TMIGD3: variants seen among roughly 807,000 people sequenced by gnomAD.
The protein encoded by TMIGD3 is transmembrane and immunoglobulin domain containing 3.
In TMIGD3, 21 loss-of-function variants were observed where a neutral mutation model predicts 28.1. That is an observed-to-expected ratio of 0.75 (90% CI 0.53 to 1.08). The LOEUF is 1.08. TMIGD3 is among the 50% of genes least tolerant of loss of function. The pLI is 0.00. For synonymous variants in TMIGD3, 151 were observed against 162.1 expected, an observed-to-expected ratio of 0.93 and a Z score of 0.52; for missense variants, 416 against 435.6, an observed-to-expected ratio of 0.96 and a Z score of 0.40.
intron 1 of TMIGD3, among the ~76,000 whole-genome samples, chr1:111,561,270 C>T (rs914103491): frequency 9.9e-5 from 15 of 152,180 alleles, no homozygotes; most frequent in Non-Finnish European, 1.5e-5. Flanking sequence ...AGTACAAGTG[C>T]ACACCACCAC....
At chr1:111,561,880 C>G (rs1375614300) in intron 1 of TMIGD3, among the ~76,000 whole-genome samples, 1 of 151,990 alleles carries the variant, frequency 6.6e-6, no homozygotes, top group Non-Finnish European at 1.5e-5. Context: ...CATTTTTGGC[C>G]CGGACTTTTT....
intron 1 of TMIGD3, among the ~76,000 whole-genome samples, chr1:111,551,173 GT>G (rs1313553271): frequency 2.0e-5 from 3 of 150,870 alleles, no homozygotes; most frequent in African/African-American, 7.3e-5. Context: ...GTTGGATCAT[GT>G]TTTTTTTTGA....
At chr1:111,521,444 T>C (rs920802451) in intron 1 of TMIGD3, among the ~76,000 whole-genome samples, 2 of 152,208 alleles carry the variant, frequency 1.3e-5, no homozygotes, top group Non-Finnish European at 2.9e-5. Flanking sequence ...GTGCTTGGAA[T>C]GGTCAGTTGC....
chr1:111,557,648 A>G (rs1657554778), intron 1 of TMIGD3, among the ~76,000 whole-genome samples: 1 of 152,220 alleles, frequency 6.6e-6, no homozygotes, highest in Non-Finnish European at 1.5e-5. Context: ...TCTAATGAAT[A>G]CATTCTGAGA....
chr1:111,518,180 T>C (rs1655928301), intron 1 of TMIGD3, among the ~76,000 whole-genome samples: 1 of 152,236 alleles, frequency 6.6e-6, no homozygotes, highest in South Asian at 2.1e-4. Context: ...TTAGGGACTT[T>C]TTCTGAATAT....
At chr1:111,556,183 A>T (rs1657484752) in intron 1 of TMIGD3, among the ~76,000 whole-genome samples, 1 of 152,214 alleles carries the variant, frequency 6.6e-6, no homozygotes, top group African/African-American at 2.4e-5. Flanking sequence ...AACATCACTA[A>T]TTATTAGGGA....
intron 5 of TMIGD3, among the ~76,000 whole-genome samples, chr1:111,484,287 G>T (rs1271215592): frequency 1.3e-5 from 2 of 152,118 alleles, no homozygotes; most frequent in African/African-American, 2.4e-5. Context: ...GCCCATCTTT[G>T]TATCCCCAGC....
At chr1:111,500,911 T>C in intron 1 of TMIGD3, 1 of 337,672 alleles carries the variant, frequency 3.0e-6, no homozygotes, top group Admixed American at 5.4e-5. Flanking sequence ...GTTACCTATC[T>C]TTTCTTTTTC....
intron 1 of TMIGD3, among the ~76,000 whole-genome samples, chr1:111,509,005 G>A (rs1350634975): frequency 6.6e-6 from 1 of 152,260 alleles, no homozygotes; most frequent in Non-Finnish European, 1.5e-5. Flanking sequence ...TGAGGCAGGA[G>A]AATTGCTTGA....
rs539832413 is a variant in TMIGD3 at position 111,497,293 on chromosome 1, G to C, written c.350+5712C>G. ...GCCCGGCTAATTTTTTGTATTTTTA[G>C]TAGAGACGGGGTTTCACTGTTTTAG... On this transcript the variant is annotated intron_variant, in intron 1 of 5. Coordinates refer to ENST00000369716, the MANE Select transcript of TMIGD3 (RefSeq NM_020683.7). 1.5e-3 allele frequency among the ~76,000 whole-genome samples: 230 copies of C among 152,196 alleles called. 1 individual carries two copies. The highest frequency in any genetic ancestry group is 5.4e-3 in the African/African-American group (223 of 41,504).
intron 1 of TMIGD3, among the ~76,000 whole-genome samples, chr1:111,498,327 A>G (rs1654986783): frequency 1.3e-5 from 2 of 152,208 alleles, no homozygotes; most frequent in South Asian, 4.1e-4. Context: ...CACAGCAGCA[A>G]ATTTGGATAG....
rs761130871 is a variant in TMIGD3 at position 111,483,733 on chromosome 1, G to C, written c.998C>G (p.Ser333Trp). The C allele has an allele frequency of 6.2e-7, 1 of 1,613,922 alleles. No homozygotes were observed. The highest frequency in any genetic ancestry group is 1.3e-5 in the African/African-American group (1 of 74,904). ...RRVGNTLKPF[S>W]RVLTPKEMAP... ...CATTTCCTTTGGAGTCAGGACACGC[G>C]AGAAGGGCTTCAAAGTGTTGCCTAC... The change falls in exon 6 of 6, where the codon TCG becomes TGG. Residue 333 changes from serine to tryptophan, a missense_variant. Ser to Trp is a radical substitution (Grantham distance 177). Coordinates refer to ENST00000369716, the MANE Select transcript of TMIGD3 (RefSeq NM_020683.7).
intron 1 of TMIGD3, among the ~76,000 whole-genome samples, chr1:111,493,773 A>G (rs1012881502): frequency 6.6e-6 from 1 of 152,238 alleles, no homozygotes; most frequent in Non-Finnish European, 1.5e-5. Context: ...TAGAGCCACT[A>G]TGATTTGATG....
chr1:111,508,889 G>A (rs1477333256), intron 1 of TMIGD3, among the ~76,000 whole-genome samples: 3 of 152,196 alleles, frequency 2.0e-5, no homozygotes, highest in Admixed American at 6.5e-5. Flanking sequence ...GAGGTCAGGC[G>A]TTCTAGACCA....
intron 1 of TMIGD3, among the ~76,000 whole-genome samples, chr1:111,538,071 G>A (rs1656699486): frequency 6.6e-6 from 1 of 151,906 alleles, no homozygotes. Flanking sequence ...AAAAAGAGTT[G>A]GCTCAGAAAA....
intron 1 of TMIGD3, among the ~76,000 whole-genome samples, chr1:111,495,463 A>G (rs190863239): frequency 6.6e-6 from 1 of 152,368 alleles, no homozygotes; most frequent in East Asian, 1.9e-4. Flanking sequence ...TCAAAAAATA[A>G]GAGATACCAG....
In TMIGD3 at chr1:111,488,877, G is replaced by C. The variant is rs184417691; in HGVS notation, c.605C>G (p.Ser202Cys). The change falls in exon 3 of 6, where the codon TCC (serine) becomes TGC (cysteine). Residue 202 changes from serine to cysteine, a missense_variant. Ser to Cys is a moderately radical substitution (Grantham distance 112, BLOSUM62 -1). Transcript: ENST00000369716. Reference protein sequence around the residue: ...FRDYCNIIAFSPNSTNHVALR... With the variant: ...FRDYCNIIAFCPNSTNHVALR... ...GGCCACATGATTGGTGCTGTTAGGG[G>C]AGAAGGCGATGATGTTGCAGTAGTC... 6.2e-7 allele frequency: 1 copy of C among 1,614,190 alleles called. No homozygotes were observed. Among genetic ancestry groups the C allele is most frequent in the South Asian group, 1.1e-5 (1 of 91,078 alleles).
intron 1 of TMIGD3, chr1:111,542,411 T>C (rs1384002093): frequency 8.6e-6 from 2 of 232,738 alleles, no homozygotes; most frequent in Non-Finnish European, 8.9e-6. Context: ...GGACCTCCAT[T>C]TATTTGGTGA....
At chr1:111,519,029 C>T (rs999212339) in intron 1 of TMIGD3, among the ~76,000 whole-genome samples, 8 of 152,190 alleles carry the variant, frequency 5.3e-5, no homozygotes, top group African/African-American at 1.4e-4. Context: ...ACCTCTGCCT[C>T]CCGGGTTCAA....
Sources: gnomAD v4.1 joint callset for allele counts (sites outside exome capture counted in the v4.1 genomes callset) on GRCh38, gnomAD v4.1.1 for gene constraint, MANE v1.5 for transcripts, NCBI Gene and HGNC (gene_info 2026-07-23, HGNC 2026-07-21) for gene names.